TNIK: variants seen among roughly 807,000 people sequenced by gnomAD.
The protein encoded by TNIK is TRAF2 and NCK-interacting protein kinase.
TNIK carries 49 observed loss-of-function variants against 191.3 expected under a neutral mutation model. The observed-to-expected ratio is 0.26, with a 90% CI of 0.20 to 0.32. TNIK has a LOEUF of 0.32. Among genes scored for constraint, TNIK ranks in the 10% least tolerant of loss-of-function variants. The pLI, the probability that TNIK is intolerant of heterozygous loss-of-function variation, is 1.00. For synonymous variants in TNIK, 594 were observed against 600.9 expected (o/e 0.99, Z 0.17); for missense variants, 1,155 against 1,702.3 (o/e 0.68, Z 5.66).
intron 2 of TNIK, among the ~76,000 whole-genome samples, chr3:171,250,516 T>G (rs1454932392): frequency 2.6e-5 from 4 of 152,244 alleles, no homozygotes. Context: ...GAGACATTCA[T>G]GTCCACTGAT....
intron 9 of TNIK, among the ~76,000 whole-genome samples, chr3:171,174,708 A>G (rs1735758127): frequency 6.6e-6 from 1 of 152,212 alleles, no homozygotes; most frequent in Non-Finnish European, 1.5e-5. Context: ...AGTTTATCAA[A>G]AGGAAAAGTT....
chr3:171,354,391 G>A (rs370665720), intron 2 of TNIK, among the ~76,000 whole-genome samples: 12 of 152,216 alleles, frequency 7.9e-5, no homozygotes, highest in African/African-American at 2.6e-4. Context: ...TACCTGAGCC[G>A]TGTTCCTCAA....
chr3:171,453,055 AC>A (rs1364074171), intron 1 of TNIK, among the ~76,000 whole-genome samples: 1 of 152,118 alleles, frequency 6.6e-6, no homozygotes, highest in African/African-American at 2.4e-5. Flanking sequence ...AACAGGCCCC[AC>A]CTTTCTGAGG....
chr3:171,087,194 T>A, intron 24 of TNIK, 148 bp downstream of exon 24: 4 of 1,108,674 alleles, frequency 3.6e-6, no homozygotes, highest in Non-Finnish European at 5.0e-6. Context: ...ATTTCTCTAT[T>A]TGAGTATCTG....
chr3:171,288,553 A>T (rs1751307498), intron 2 of TNIK, among the ~76,000 whole-genome samples: 1 of 151,568 alleles, frequency 6.6e-6, no homozygotes. Context: ...TCACGCCTGT[A>T]ATCCCAGCAT....
intron 18 of TNIK, among the ~76,000 whole-genome samples, chr3:171,117,920 C>T (rs566716611): frequency 2.5e-4 from 38 of 151,956 alleles, no homozygotes; most frequent in African/African-American, 7.0e-4. Flanking sequence ...CAGTGAGCCA[C>T]GATCGCGCCA....
intron 22 of TNIK, among the ~76,000 whole-genome samples, chr3:171,096,095 T>G (rs1722675177): frequency 6.6e-6 from 1 of 152,212 alleles, no homozygotes; most frequent in Admixed American, 6.5e-5. Context: ...ATGAAGTACT[T>G]ATCAAGAGTC....
intron 2 of TNIK, among the ~76,000 whole-genome samples, chr3:171,294,028 C>A (rs1056759733): frequency 6.6e-6 from 1 of 152,026 alleles, no homozygotes; most frequent in Admixed American, 6.5e-5. Flanking sequence ...AGTTCAAGAC[C>A]AGTCTGGCCA....
chr3:171,077,582 G>A (rs1019709820), intron 28 of TNIK, among the ~76,000 whole-genome samples: 20 of 152,040 alleles, frequency 1.3e-4, no homozygotes, highest in Admixed American at 1.1e-3. Flanking sequence ...AAGCATCAGC[G>A]TTTCTTGGGT....
At chr3:171,452,952 T>C (rs1728364479) in intron 1 of TNIK, among the ~76,000 whole-genome samples, 1 of 152,090 alleles carries the variant, frequency 6.6e-6, no homozygotes, top group Non-Finnish European at 1.5e-5. Flanking sequence ...TAGCATCCAC[T>C]GGAATTGTAC....
chr3:171,166,146 C>A (rs1479166337), intron 10 of TNIK, among the ~76,000 whole-genome samples: 4 of 152,078 alleles, frequency 2.6e-5, no homozygotes, highest in Admixed American at 6.6e-5. Context: ...TAGTGGTGAA[C>A]CTTAGCTATG....
At chr3:171,289,337 T>A (rs1243452984) in intron 2 of TNIK, among the ~76,000 whole-genome samples, 2 of 152,250 alleles carry the variant, frequency 1.3e-5, no homozygotes, top group Non-Finnish European at 2.9e-5. Flanking sequence ...GCTATGGTTC[T>A]AAGTTAAATT....
chr3:171,256,830 A>G (rs564925312), intron 2 of TNIK, among the ~76,000 whole-genome samples: 1 of 152,278 alleles, frequency 6.6e-6, no homozygotes, highest in East Asian at 1.9e-4. Flanking sequence ...TCAGGACAGA[A>G]GAGTAACACT....
Position 171,368,218 on chromosome 3 carries a change from G to A in TNIK, c.123+1402C>T, listed in dbSNP as rs534760925. Reference sequence around the variant, plus strand: ...TGTCTCCCAAATGTATATTCTATGGGTGGGAAACATAATGAAACGGAAAGG... The same window carrying A: ...TGTCTCCCAAATGTATATTCTATGGATGGGAAACATAATGAAACGGAAAGG... On this transcript the variant is annotated intron_variant, in intron 2 of 32. Coordinates refer to ENST00000436636, the MANE Select transcript of TNIK (RefSeq NM_015028.4). 1.1e-4 allele frequency among the ~76,000 whole-genome samples: 16 copies of A among 152,262 alleles called. No individual in the cohort carries two copies. The East Asian group carries it at 2.3e-3, about 22-fold the overall frequency.
intron 1 of TNIK, among the ~76,000 whole-genome samples, chr3:171,425,728 T>C (rs886637550): frequency 9.3e-5 from 14 of 150,414 alleles, no homozygotes; most frequent in African/African-American, 3.2e-4. Context: ...TTCGGGAGAC[T>C]GAGGCAGGAG....
chr3:171,130,006 A>G (rs1729023426), intron 15 of TNIK, among the ~76,000 whole-genome samples: 2 of 152,142 alleles, frequency 1.3e-5, no homozygotes, highest in Non-Finnish European at 2.9e-5. Context: ...CCCCACACTG[A>G]TGGCCTTTAC....
chr3:171,095,309 G>T (rs965813711), intron 22 of TNIK, among the ~76,000 whole-genome samples: 1 of 152,156 alleles, frequency 6.6e-6, no homozygotes, highest in African/African-American at 2.4e-5. Flanking sequence ...GCATGACACA[G>T]AATTTCTCTG....
At chr3:171,351,592 T>C (rs1259724676) in intron 2 of TNIK, among the ~76,000 whole-genome samples, 1 of 152,178 alleles carries the variant, frequency 6.6e-6, no homozygotes, top group Non-Finnish European at 1.5e-5. Flanking sequence ...CCAAAATATC[T>C]TGAAGGACAG....
At chr3:171,356,480 T>C (rs562587172) in intron 2 of TNIK, among the ~76,000 whole-genome samples, 3 of 152,324 alleles carry the variant, frequency 2.0e-5, no homozygotes, top group African/African-American at 7.2e-5. Flanking sequence ...CACCTTTTAG[T>C]ATTTTTGCTA....
Sources: gnomAD v4.1 joint callset for allele counts (sites outside exome capture counted in the v4.1 genomes callset) on GRCh38, gnomAD v4.1.1 for gene constraint, MANE v1.5 for transcripts, NCBI Gene and HGNC (gene_info 2026-07-23, HGNC 2026-07-21) for gene names.